Variants in ARHGEF10L observed in about 807,000 individuals in gnomAD.
ARHGEF10L encodes rho guanine nucleotide exchange factor 10-like protein.
ARHGEF10L carries 69 observed loss-of-function variants against 141.2 expected under a neutral mutation model. The ratio of observed to expected loss-of-function variants is 0.49; its 90% CI spans 0.40 to 0.60. ARHGEF10L has a LOEUF of 0.60. Among genes scored for constraint, ARHGEF10L ranks in the 20% least tolerant of loss-of-function variants. ARHGEF10L has a pLI of 0.00. For synonymous variants in ARHGEF10L, 711 were observed against 718.5 expected (o/e 0.99, Z 0.17); for missense variants, 1,482 against 1,734.3 (o/e 0.85, Z 2.58).
At chr1:17,611,535 TCC>T (rs2059549081) in intron 7 of ARHGEF10L, among the ~76,000 whole-genome samples, 4 of 116,728 alleles carry the variant, frequency 3.4e-5, no homozygotes, top group Non-Finnish European at 7.8e-5. Flanking sequence ...TGTCTGTATA[TCC>T]ATCCATCCAT....
In ARHGEF10L at chr1:17,654,589, G is replaced by A. The variant is rs747427255; in HGVS notation, c.2395-47G>A. 4 of 1,541,966 alleles carry A rather than the reference G, an allele frequency of 2.6e-6. No homozygotes were observed. Among genetic ancestry groups the A allele is most frequent in the Admixed American group, 3.3e-5 (2 of 59,948 alleles). On this transcript the variant is annotated intron_variant, in intron 22 of 28. Transcript: ENST00000361221. The surrounding 1 kb of genome is among the most constrained non-coding windows in gnomAD (Gnocchi z 4.3). ...AGGAATCTGCCAAATATTGGCATCT[G>A]GGCACCTTGATGATTAACCTCACAT...
chr1:17,690,937 C>T (rs1426301314), intron 27 of ARHGEF10L, among the ~76,000 whole-genome samples: 1 of 152,114 alleles, frequency 6.6e-6, no homozygotes. Flanking sequence ...TTTTCTTCCC[C>T]CACACCAGCA....
At chr1:17,675,414 A>T (rs2063585887) in intron 26 of ARHGEF10L, among the ~76,000 whole-genome samples, 1 of 152,150 alleles carries the variant, frequency 6.6e-6, no homozygotes, top group Admixed American at 6.5e-5. Flanking sequence ...TGCTGAGCAG[A>T]TACTGTGCAC....
intron 27 of ARHGEF10L, 76 bp from the exon 28 acceptor site, chr1:17,695,082 C>T (rs779064832): frequency 6.2e-7 from 1 of 1,600,010 alleles, no homozygotes; most frequent in East Asian, 2.2e-5. Context: ...GTGCCAGGCC[C>T]TCATCTCGTG....
intron 2 of ARHGEF10L, among the ~76,000 whole-genome samples, 191 bp downstream of exon 2, chr1:17,580,823 A>G (rs1192332795): frequency 1.3e-5 from 2 of 152,140 alleles, no homozygotes; most frequent in African/African-American, 4.8e-5. Flanking sequence ...CTTTCTGCTC[A>G]CGGAGGAGGC....
intron 22 of ARHGEF10L, among the ~76,000 whole-genome samples, chr1:17,653,405 G>C (rs574793118): frequency 1.4e-4 from 22 of 152,280 alleles, no homozygotes; most frequent in Admixed American, 3.9e-4. Flanking sequence ...CACCATCTTC[G>C]ACCCGGCTCT....
At chr1:17,608,837 T>C (rs1439061293) in intron 7 of ARHGEF10L, among the ~76,000 whole-genome samples, 1 of 152,182 alleles carries the variant, frequency 6.6e-6, no homozygotes, top group Non-Finnish European at 1.5e-5. Context: ...CAGGCTGGAG[T>C]ACAGTGGCCC....
intron 15 of ARHGEF10L, among the ~76,000 whole-genome samples, chr1:17,630,357 C>T (rs1300984342): frequency 6.6e-6 from 1 of 152,240 alleles, no homozygotes; most frequent in Non-Finnish European, 1.5e-5. Context: ...CTGCCAGAGC[C>T]CACGGGACTT....
chr1:17,679,110 T>C (rs1019774405), intron 26 of ARHGEF10L, among the ~76,000 whole-genome samples: 26 of 152,194 alleles, frequency 1.7e-4, no homozygotes, highest in African/African-American at 4.6e-4. Flanking sequence ...ATGATGGCCC[T>C]GAGCTAGGAG....
chr1:17,580,512 C>T, intron 1 of ARHGEF10L, 41 bp from the exon 2 acceptor site: 1 of 1,572,094 alleles, frequency 6.4e-7, no homozygotes, highest in East Asian at 2.3e-5. Context: ...AAACTGCAGC[C>T]CTGACTCCAG....
rs777326269 is a variant in ARHGEF10L, at chr1:17,638,666, C to A, written c.2148C>A (p.Leu716=). The A allele has an allele frequency of 1.9e-6, 3 of 1,614,102 alleles. No homozygotes were observed. The highest frequency in any genetic ancestry group is 1.1e-5 in the South Asian group (1 of 91,082). The change falls in exon 20 of 29, where the codon CTC becomes CTA. Residue 716 remains leucine, a synonymous_variant. Transcript: ENST00000361221. ...IHSANKCRLR[L]LLPGKPDKSG... ...CGGCCAACAAGTGCCGTCTCAGGCT[C>A]CTGCTTCCTGGGAAACCCGACAAGT...
intron 1 of ARHGEF10L, among the ~76,000 whole-genome samples, chr1:17,551,408 G>A (rs752227689): frequency 8.5e-5 from 13 of 152,100 alleles, no homozygotes; most frequent in Non-Finnish European, 1.8e-4. Flanking sequence ...GCAGAGTTAG[G>A]TCAGGAAGCA....
Position 17,616,154 on chromosome 1 carries a change from A to T in ARHGEF10L, c.787A>T (p.Met263Leu). The T allele has an allele frequency of 6.3e-7, 1 of 1,594,198 alleles. No individual in the cohort carries two copies. The highest frequency in any genetic ancestry group is 1.1e-5 in the South Asian group (1 of 90,820). The change falls in exon 9 of 29, where the codon ATG (methionine) becomes TTG (leucine). Residue 263 changes from methionine (M) to leucine (L), a missense_variant. Transcript: ENST00000361221. ...CAAGGATGGGCTGGAGAAGACACGG[A>T]TGGCCGTGATGCGCAAAGTCTCCTT... is the stretch of plus-strand genomic sequence containing the variant. ...GTKDGLEKTR[M>L]AVMRKVSFLH...
intron 27 of ARHGEF10L, among the ~76,000 whole-genome samples, chr1:17,688,391 A>G (rs1245485629): frequency 1.3e-5 from 2 of 152,198 alleles, no homozygotes; most frequent in African/African-American, 4.8e-5. Context: ...TTTCGTTGCC[A>G]TCTGCTGCTC....
intron 4 of ARHGEF10L, among the ~76,000 whole-genome samples, chr1:17,591,570 C>T (rs959068541): frequency 1.3e-5 from 2 of 152,094 alleles, no homozygotes; most frequent in Non-Finnish European, 2.9e-5. Context: ...GCCACCACGC[C>T]GAACTAATTT....
rs1427830543 is a variant in ARHGEF10L, at chr1:17,625,861, G to T, written c.1318-95G>T. 9.2e-7 allele frequency: 1 copy of T among 1,087,654 alleles called. No homozygotes were observed. The highest frequency in any genetic ancestry group is 2.4e-5 in the East Asian group (1 of 41,926). 67.4% of individuals were successfully genotyped at this position (1,087,654 alleles called of 1,614,324 possible). ...GGATAGGCAGGGTCTTAGGGCCTGG[G>T]GAGAGGAGCCCAGAATGGGGACAGT... On this transcript the variant is annotated intron_variant, in intron 13 of 28. Transcript: ENST00000361221. The surrounding 1 kb of genome is among the most constrained non-coding windows in gnomAD (Gnocchi z 4.5).
chr1:17,624,375 G>T lies in ARHGEF10L; in HGVS notation c.1201-12G>T, dbSNP rs1557856797. On this transcript the variant is annotated splice_polypyrimidine_tract_variant and intron_variant, in intron 12 of 28. Coordinates refer to ENST00000361221, the MANE Select transcript of ARHGEF10L (RefSeq NM_018125.4). ...GAGGCGGTCTCCCTGGCCCACACCT[G>T]CCTTGTTTCAGTTTTCCAAGTCCAT... is the stretch of plus-strand genomic sequence containing the variant. 6.2e-7 allele frequency: 1 copy of T among 1,609,214 alleles called. No individual in the cohort carries two copies. Among genetic ancestry groups the T allele is most frequent in the Non-Finnish European group, 8.5e-7 (1 of 1,175,764 alleles).
chr1:17,533,393 C>T, the ARHGEF10L span, among the ~76,000 whole-genome samples: 1 of 152,066 alleles, frequency 6.6e-6, no homozygotes, highest in Non-Finnish European at 1.5e-5. Context: ...TGGTCTTGAA[C>T]TCTTGGCCTC....
intron 1 of ARHGEF10L, among the ~76,000 whole-genome samples, chr1:17,563,953 C>T (rs2100227020): frequency 6.6e-6 from 1 of 152,322 alleles, no homozygotes; most frequent in South Asian, 2.1e-4. Context: ...CTGCAAGTGA[C>T]AGCAGATGGC....
Sources: allele counts gnomAD v4.1 joint callset (sites outside exome capture counted in the v4.1 genomes callset), GRCh38; gene constraint gnomAD v4.1.1; non-coding constraint Gnocchi (gnomAD v3.1); transcripts MANE v1.5; gene names NCBI Gene and HGNC (gene_info 2026-07-23, HGNC 2026-07-21).